AFF3: variants seen among roughly 807,000 people sequenced by gnomAD.
AFF3 encodes the protein AF4/FMR2 family member 3.
Under a neutral mutation model 129.7 loss-of-function variants are expected in AFF3, and 32 were observed. The observed-to-expected ratio is 0.25, with a 90% CI of 0.19 to 0.33. AFF3 has a LOEUF of 0.33. AFF3 is among the 10% of genes least tolerant of loss of function. The pLI is 1.00. For synonymous variants in AFF3, 644 were observed against 635.4 expected (o/e 1.01, Z -0.20); for missense variants, 1,373 against 1,592.0 (o/e 0.86, Z 2.34).
chr2:99,691,576 G>A (rs1675661213), intron 11 of AFF3, among the ~76,000 whole-genome samples: 1 of 152,172 alleles, frequency 6.6e-6, no homozygotes, highest in South Asian at 2.1e-4. Context: ...TTTTAGAGGT[G>A]AAGAGGCTTT....
intron 7 of AFF3, among the ~76,000 whole-genome samples, chr2:99,875,771 A>G (rs1213264070): frequency 6.6e-6 from 1 of 152,202 alleles, no homozygotes; most frequent in African/African-American, 2.4e-5. Flanking sequence ...GATTATACAG[A>G]GAAACCCACA....
chr2:100,078,846 T>A (rs924895707), intron 4 of AFF3, among the ~76,000 whole-genome samples: 4 of 152,166 alleles, frequency 2.6e-5, no homozygotes, highest in African/African-American at 9.7e-5. Context: ...AGATTACTTA[T>A]AATACTTAAT....
chr2:100,136,000 G>T (rs1692626643), intron 1 of AFF3, among the ~76,000 whole-genome samples: 1 of 152,230 alleles, frequency 6.6e-6, no homozygotes, highest in South Asian at 2.1e-4. Flanking sequence ...ATGGCTTCAA[G>T]GTCCTAGGCT....
chr2:99,676,575 A>G (rs961993803), intron 11 of AFF3, among the ~76,000 whole-genome samples: 2 of 152,216 alleles, frequency 1.3e-5, no homozygotes, highest in African/African-American at 4.8e-5. Flanking sequence ...GCTCATTTTT[A>G]TCAATGCTCA....
At chr2:99,568,739 C>T (rs1676209021) in intron 19 of AFF3, 113 bp downstream of exon 19, 2 of 1,056,804 alleles carry the variant, frequency 1.9e-6, no homozygotes. Context: ...ATTGAACAGA[C>T]CCGGCCATCC....
At position 99,648,977 on chromosome 2, in the gene AFF3, C is replaced by G. The variant is rs371229784; in HGVS notation, c.1184+649G>C. The stretch of plus-strand genomic sequence containing the variant: ...TGAAAAAACAAAAACCAAAACCAAC[C>G]AAACCAAACCAAGGGTCTGGTCTAT... On this transcript the variant is annotated intron_variant, in intron 13 of 24. Coordinates refer to ENST00000672756, the MANE Select transcript of AFF3 (RefSeq NM_001386135.1). Among the ~76,000 whole-genome samples the G allele has an allele frequency of 6.1e-5, 9 of 147,694 alleles. No homozygotes were observed. In the East Asian group the frequency reaches 1.2e-3, roughly 20 times the overall value.
At chr2:100,061,047 T>C (rs1056629114) in intron 4 of AFF3, among the ~76,000 whole-genome samples, 9 of 152,200 alleles carry the variant, frequency 5.9e-5, no homozygotes, top group South Asian at 2.1e-4. Context: ...ACCCAGATTA[T>C]GGGTTTTTCA....
intron 11 of AFF3, among the ~76,000 whole-genome samples, chr2:99,674,432 C>T (rs1687435315): frequency 6.6e-6 from 1 of 152,172 alleles, no homozygotes; most frequent in South Asian, 2.1e-4. Flanking sequence ...TGGGATGAGG[C>T]CCCTTCCCCA....
intron 13 of AFF3, among the ~76,000 whole-genome samples, chr2:99,617,968 A>G (rs1452536455): frequency 6.6e-6 from 1 of 152,114 alleles, no homozygotes; most frequent in Non-Finnish European, 1.5e-5. Flanking sequence ...AACTTTCCCA[A>G]CAAGTGGGGA....
chr2:99,706,040 A>G (rs1204800661), intron 11 of AFF3, among the ~76,000 whole-genome samples: 1 of 152,142 alleles, frequency 6.6e-6, no homozygotes, highest in East Asian at 1.9e-4. Flanking sequence ...ACTTAAGCAG[A>G]ATCCCTGGTA....
chr2:99,580,903 A>G (rs1407445203), intron 17 of AFF3: 1 of 152,302 alleles, frequency 6.6e-6, no homozygotes, highest in East Asian at 1.9e-4. Context: ...GTCTCAAAAA[A>G]AACCCAAAAA....
intron 16 of AFF3, among the ~76,000 whole-genome samples, chr2:99,584,615 G>A (rs1015078852): frequency 1.3e-5 from 2 of 152,068 alleles, no homozygotes; most frequent in Non-Finnish European, 2.9e-5. Flanking sequence ...CAGTGAAGAG[G>A]GATTCACTTA....
At chr2:99,628,723 ATT>A (rs3073407) in intron 13 of AFF3, among the ~76,000 whole-genome samples, 1 of 92,424 alleles carries the variant, frequency 1.1e-5, no homozygotes, top group Non-Finnish European at 2.0e-5. Flanking sequence ...TGCTTGACTG[ATT>A]TTTTTTTTTT....
At chr2:99,868,008 C>G (rs1333925520) in intron 7 of AFF3, among the ~76,000 whole-genome samples, 2 of 122,884 alleles carry the variant, frequency 1.6e-5, no homozygotes, top group Non-Finnish European at 3.4e-5. Context: ...CCACGACTCT[C>G]TTTCTTTCCT....
At chr2:99,746,028 A>G (rs746892370) in intron 9 of AFF3, among the ~76,000 whole-genome samples, 1 of 152,178 alleles carries the variant, frequency 6.6e-6, no homozygotes, top group African/African-American at 2.4e-5. Context: ...TACAATGTAC[A>G]CTACTCAGGT....
chr2:99,809,328 G>T (rs544201016), intron 8 of AFF3, among the ~76,000 whole-genome samples: 1 of 152,088 alleles, frequency 6.6e-6, no homozygotes, highest in African/African-American at 2.4e-5. Flanking sequence ...CAGGGTCTAC[G>T]GGGCAAGCCC....
chr2:99,552,434 T>G (rs1052038639), intron 24 of AFF3, among the ~76,000 whole-genome samples: 2 of 152,134 alleles, frequency 1.3e-5, no homozygotes. Context: ...CTCTGCTAGG[T>G]GCAGGGGTGG....
chr2:99,608,355 C>T (rs1349125544), intron 13 of AFF3, among the ~76,000 whole-genome samples: 1 of 152,192 alleles, frequency 6.6e-6, no homozygotes, highest in Non-Finnish European at 1.5e-5. Flanking sequence ...CCTCTGAGTC[C>T]CTCTAGCACA....
intron 13 of AFF3, among the ~76,000 whole-genome samples, chr2:99,617,365 G>A (rs1477973038): frequency 6.6e-6 from 1 of 152,196 alleles, no homozygotes; most frequent in Non-Finnish European, 1.5e-5. Flanking sequence ...GCGTGAAGTG[G>A]TGTCTCACTG....
Sources: allele counts gnomAD v4.1 joint callset (sites outside exome capture counted in the v4.1 genomes callset), GRCh38; gene constraint gnomAD v4.1.1; transcripts MANE v1.5; gene names NCBI Gene and HGNC (gene_info 2026-07-23, HGNC 2026-07-21).